The following DUSP4 variants were observed in gnomAD, a reference collection of about 807,000 sequenced individuals.
DUSP4 encodes dual specificity phosphatase 4.
A neutral mutation model predicts 27.2 loss-of-function variants in DUSP4; 12 were observed. That is an observed-to-expected ratio of 0.44 (90% CI 0.28 to 0.71). The LOEUF (loss-of-function observed/expected upper bound fraction) is 0.71, where lower values mean the gene tolerates loss of function less well. Among genes scored for constraint, DUSP4 ranks in the 30% least tolerant of loss-of-function variants. The pLI is 0.14. For missense variants in DUSP4, 448 were observed against 551.3 expected (o/e 0.81, Z 1.88); for synonymous variants, 257 against 245.2 (o/e 1.05, Z -0.45).
chr8:29,337,011 GC>G lies in DUSP4; in HGVS notation c.*14del. The G allele has an allele frequency of 1.3e-6, 2 of 1,571,792 alleles. No individual in the cohort carries two copies. Among genetic ancestry groups the G allele is most frequent in the Non-Finnish European group, 8.6e-7 (1 of 1,160,088 alleles). The stretch of plus-strand genomic sequence containing the variant: ...GCTGGGAGCCAGCTCTGGTTCTGGG[GC>G]CCCCAGGGCGGCTCTAACAGCTGGG... On this transcript the variant is annotated 3_prime_UTR_variant, in exon 4 of 4. Transcript: ENST00000240100. This position sits in a 1 kb window ranked among gnomAD's most constrained non-coding sequence, Gnocchi z 6.4.
At chr8:29,342,272 C>G (rs1817665898) in intron 1 of DUSP4, among the ~76,000 whole-genome samples, 2 of 152,194 alleles carry the variant, frequency 1.3e-5, no homozygotes, top group South Asian at 4.1e-4. Flanking sequence ...GAGGTTGCAC[C>G]CCACCCTGAG....
chr8:29,341,935 A>G (rs1396554059), intron 1 of DUSP4, among the ~76,000 whole-genome samples: 2 of 152,208 alleles, frequency 1.3e-5, no homozygotes, highest in East Asian at 3.8e-4. Context: ...ATACTTCTCT[A>G]GGATTTGAAA....
chr8:29,334,402 A>T lies in DUSP4; in HGVS notation c.*2624T>A, dbSNP rs144527402. On this transcript the variant is annotated 3_prime_UTR_variant, in exon 4 of 4. Coordinates refer to ENST00000240100, the MANE Select transcript of DUSP4 (RefSeq NM_001394.7). ...AAAAGTCCCTCTTTTCAATCAAGCC[A>T]ATGTCCTATTTTATTTCTAAAAGTT... is the stretch of plus-strand genomic sequence containing the variant. 70 of 152,350 alleles carry T rather than the reference A, an allele frequency of 4.6e-4. No individual in the cohort carries two copies. The highest frequency in any genetic ancestry group is 1.5e-3 in the African/African-American group (61 of 41,578). 9.4% of individuals were successfully genotyped at this position (152,350 alleles called of 1,614,324 possible). A position where few individuals can be genotyped will look rare whatever the true frequency, so the allele number is the denominator to read the frequency against.
Position 29,334,203 on chromosome 8 carries a change from A to C in DUSP4, c.*2823T>G, listed in dbSNP as rs1033894558. Reference sequence around the variant, plus strand: ...TGGCTAATACCAAAGTTGACAATCAATGAGGGTCAATGCTTTCCTGTCATT... The same window carrying C: ...TGGCTAATACCAAAGTTGACAATCACTGAGGGTCAATGCTTTCCTGTCATT... On this transcript the variant is annotated 3_prime_UTR_variant, in exon 4 of 4. Transcript: ENST00000240100. 7 of 152,212 alleles carry C rather than the reference A, an allele frequency of 4.6e-5. No homozygotes were observed. The East Asian group carries it at 7.7e-4, about 17-fold the overall frequency. The allele number at this position is 152,212 out of a possible 1,614,324, so 9.4% of individuals were successfully genotyped here. A position where few individuals can be genotyped will look rare whatever the true frequency, so the allele number is the denominator to read the frequency against.
chr8:29,350,177 G>C lies in DUSP4; in HGVS notation c.102C>G (p.His34Gln), dbSNP rs753695620. The C allele has an allele frequency of 6.1e-5, 98 of 1,607,346 alleles. No homozygotes were observed. In the Admixed American group the frequency reaches 1.1e-3, roughly 18 times the overall value. The change falls in exon 1 of 4, where the codon CAC becomes CAG. Residue 34 changes from histidine (H) to glutamine (Q), a missense_variant. His to Gln is a conservative substitution (Grantham distance 24, BLOSUM62 0). Coordinates refer to ENST00000240100, the MANE Select transcript of DUSP4 (RefSeq NM_001394.7). ...NGGGAGGSGS[H>Q]GTLGLPSGGK... ...CGCCGCTCGGCAGCCCCAGGGTGCC[G>C]TGGCTGCCGCTGCCGCCCGCGCCGC...
rs767545748 is a variant in DUSP4, at chr8:29,340,090, G to A, written c.579+8C>T. On this transcript the variant is annotated splice_region_variant and intron_variant, in intron 2 of 3. Transcript: ENST00000240100. ...CCCCCACTTCCAAGCCCTGCCCCCCGAGTCTACCTGGTCGTGTAGTGGGGT... is the reference window on the plus strand; with the variant it reads ...CCCCCACTTCCAAGCCCTGCCCCCCAAGTCTACCTGGTCGTGTAGTGGGGT... 148 of 1,559,528 alleles carry A rather than the reference G, an allele frequency of 9.5e-5. No individual in the cohort carries two copies. Among genetic ancestry groups the A allele is most frequent in the Non-Finnish European group, 1.2e-4 (136 of 1,151,752 alleles).
At chr8:29,349,675 C>T (rs1817791847) in intron 1 of DUSP4, among the ~76,000 whole-genome samples, 171 bp downstream of exon 1, 1 of 152,254 alleles carries the variant, frequency 6.6e-6, no homozygotes, top group African/African-American at 2.4e-5. Flanking sequence ...GAACCTCGCA[C>T]TTGCACAGAA....
At chr8:29,345,961 G>A (rs975464062) in intron 1 of DUSP4, 15 of 425,184 alleles carry the variant, frequency 3.5e-5, no homozygotes, top group South Asian at 1.2e-4. Context: ...GCAGAAAAGC[G>A]AGTCATTTTC....
chr8:29,339,505 G>A (rs1350887831), intron 2 of DUSP4, among the ~76,000 whole-genome samples: 1 of 152,204 alleles, frequency 6.6e-6, no homozygotes, highest in Admixed American at 6.5e-5. Context: ...GTCCCCCAGG[G>A]CTTCTGGAGG....
intron 1 of DUSP4, 141 bp from the exon 2 acceptor site, chr8:29,340,384 T>C (rs1358294025): frequency 1.8e-6 from 2 of 1,082,514 alleles, no homozygotes; most frequent in African/African-American, 3.2e-5. Flanking sequence ...GGTGGCGCTG[T>C]GGACCTAGAG....
rs535420152 is a variant in DUSP4, at chr8:29,344,042, C to T, written c.434-3799G>A. Among the ~76,000 whole-genome samples the T allele has an allele frequency of 8.5e-5, 13 of 152,288 alleles. 1 individual carries two copies. In the East Asian group the frequency reaches 2.5e-3, roughly 29 times the overall value. ...TCTACAAAGGGGCTGGGCTCCTTCC[C>T]GTGCCCCTAGCAGGTGTGCAAGGAG... On this transcript the variant is annotated intron_variant, in intron 1 of 3. Coordinates refer to ENST00000240100, the MANE Select transcript of DUSP4 (RefSeq NM_001394.7).
chr8:29,338,797 G>C (rs565943114), intron 2 of DUSP4, among the ~76,000 whole-genome samples: 2 of 152,174 alleles, frequency 1.3e-5, no homozygotes, highest in African/African-American at 2.4e-5. Context: ...GGACAATGCC[G>C]GCCTTATGGC....
In DUSP4 at chr8:29,335,905, T is replaced by A. The variant is rs964540091; in HGVS notation, c.*1121A>T. 6.6e-6 allele frequency: 1 copy of A among 152,232 alleles called. No homozygotes were observed. The highest frequency in any genetic ancestry group is 1.5e-5 in the Non-Finnish European group (1 of 68,066). The allele number at this position is 152,232 out of a possible 1,614,324, so 9.4% of individuals were successfully genotyped here. ...TCGGAGGGAAAAAAGCTTGACTTAC[T>A]GTGGTCTAAAATTGCTTCGGTGGCC... On this transcript the variant is annotated 3_prime_UTR_variant, in exon 4 of 4. Coordinates refer to ENST00000240100, the MANE Select transcript of DUSP4 (RefSeq NM_001394.7).
Position 29,350,245 on chromosome 8 carries a change from A to T in DUSP4, c.34T>A (p.Cys12Ser). ...VTMEELREMDCSVLKRLMNRD... is the reference protein window; with the variant it reads ...VTMEELREMDSSVLKRLMNRD... ...TTCATCAGCCTTTTGAGCACACTGC[A>T]GTCCATCTCCCGCAGCTCCTCCATC... Residue 12 changes from cysteine to serine, a missense_variant, in exon 1 of 4, where the codon TGC becomes AGC. This residue lies in a region of DUSP4 where 345 missense variants were observed against 394.0 expected (regional missense o/e 0.88). Coordinates refer to ENST00000240100, the MANE Select transcript of DUSP4 (RefSeq NM_001394.7). 1.3e-6 allele frequency: 2 copies of T among 1,599,516 alleles called. No homozygotes were observed. Among genetic ancestry groups the T allele is most frequent in the South Asian group, 2.2e-5 (2 of 89,980 alleles).
intron 1 of DUSP4, chr8:29,346,019 C>G: frequency 1.0e-6 from 1 of 985,460 alleles, no homozygotes; most frequent in Non-Finnish European, 1.2e-6. Flanking sequence ...CAGAGCTGTG[C>G]TGTTTGATGC....
At position 29,350,203 on chromosome 8, in the gene DUSP4, C is replaced by T; in HGVS notation, c.76G>A (p.Gly26Ser). 1.9e-6 allele frequency: 3 copies of T among 1,609,018 alleles called. No individual in the cohort carries two copies. Among genetic ancestry groups the T allele is most frequent in the South Asian group, 1.1e-5 (1 of 90,846 alleles). The change falls in exon 1 of 4, where the codon GGC becomes AGC. Residue 26 changes from glycine (G) to serine (S), a missense_variant. Gly to Ser is a moderately conservative substitution (Grantham distance 56, BLOSUM62 0). Coordinates refer to ENST00000240100, the MANE Select transcript of DUSP4 (RefSeq NM_001394.7). ...KRLMNRDENGGGAGGSGSHGT... is the reference protein window; with the variant it reads ...KRLMNRDENGSGAGGSGSHGT... ...TGGCTGCCGCTGCCGCCCGCGCCGC[C>T]GCCATTCTCGTCCCGGTTCATCAGC...
chr8:29,350,489 G>C lies in DUSP4; in HGVS notation c.-211C>G, dbSNP rs531640978. 2.6e-3 allele frequency: 1,559 copies of C among 603,012 alleles called. 5 individuals are homozygous for C. The highest frequency in any genetic ancestry group is 3.7e-3 in the Non-Finnish European group (1,354 of 368,984). The allele number at this position is 603,012 out of a possible 1,614,324, so 37.4% of individuals were successfully genotyped here. On this transcript the variant is annotated 5_prime_UTR_variant, in exon 1 of 4. Transcript: ENST00000240100. ...GTCACATAGCAGTCGGAGCGGCCTCGGGCGCCCAGCCGGGCGGCGCGCAGA... is the reference window on the plus strand; with the variant it reads ...GTCACATAGCAGTCGGAGCGGCCTCCGGCGCCCAGCCGGGCGGCGCGCAGA...
chr8:29,347,342 G>C (rs1348338474), intron 1 of DUSP4, among the ~76,000 whole-genome samples: 4 of 152,138 alleles, frequency 2.6e-5, no homozygotes, highest in Admixed American at 2.0e-4. Flanking sequence ...ACCTCTCTAG[G>C]GATGCCTTTC....
In DUSP4 at chr8:29,337,394, G is replaced by A. The variant is rs777470475; in HGVS notation, c.817C>T (p.Arg273Cys). 10 of 1,606,528 alleles carry A rather than the reference G, an allele frequency of 6.2e-6. No homozygotes were observed. The highest frequency in any genetic ancestry group is 3.3e-5 in the South Asian group (3 of 90,894). The change falls in exon 4 of 4, where the codon CGT (arginine) becomes TGT (cysteine). Residue 273 changes from arginine to cysteine, a missense_variant. Physicochemically the swap from Arg to Cys is radical, Grantham distance 180. Transcript: ENST00000240100. This position sits in a 1 kb window ranked among gnomAD's most constrained non-coding sequence, Gnocchi z 6.4. ...IEYIDAVKDC[R>C]GRVLVHCQAG... ...TGGCAGTGCACCAGCACGCGCCCAC[G>A]GCAGTCCTTCACGGCATCTGGGGAC... is the stretch of plus-strand genomic sequence containing the variant.
Sources: allele counts gnomAD v4.1 joint callset (sites outside exome capture counted in the v4.1 genomes callset), GRCh38; gene constraint gnomAD v4.1.1; regional missense constraint gnomAD v4.1.1; non-coding constraint Gnocchi (gnomAD v3.1); transcripts MANE v1.5; gene names NCBI Gene and HGNC (gene_info 2026-07-23, HGNC 2026-07-21).